HOOK1: variants seen among roughly 807,000 people sequenced by gnomAD.
HOOK1 encodes protein Hook homolog 1.
A neutral mutation model predicts 112.8 loss-of-function variants in HOOK1; 60 were observed. That is an observed-to-expected ratio of 0.53 (90% CI 0.43 to 0.66). The LOEUF (loss-of-function observed/expected upper bound fraction) is 0.66, where lower values mean the gene tolerates loss of function less well. HOOK1 is among the 30% of genes least tolerant of loss of function. The pLI is 0.00. For synonymous variants in HOOK1, 294 were observed against 283.8 expected, an observed-to-expected ratio of 1.04 and a Z score of -0.36; for missense variants, 770 against 856.0, an observed-to-expected ratio of 0.90 and a Z score of 1.25.
Position 59,872,822 on chromosome 1 carries a change from G to A in HOOK1, c.2044G>A (p.Glu682Lys), listed in dbSNP as rs561101291. ...TCTAGCATTCCAGAAACTGGGGATG[G>A]AATCTAGACTTGTGAGCGGCGGTGG... Reference protein sequence around the residue: ...KSLAFQKLGMESRLVSGGGAC... With the variant: ...KSLAFQKLGMKSRLVSGGGAC... Residue 682 changes from glutamate (E) to lysine (K), a missense_variant, in exon 22 of 22, where the codon GAA becomes AAA. Coordinates refer to ENST00000371208, the MANE Select transcript of HOOK1 (RefSeq NM_015888.6). 6.9e-7 allele frequency: 1 copy of A among 1,448,224 alleles called. No individual in the cohort carries two copies. Among genetic ancestry groups the A allele is most frequent in the African/African-American group, 1.4e-5 (1 of 69,752 alleles). 89.7% of individuals were successfully genotyped at this position (1,448,224 alleles called of 1,614,324 possible).
chr1:59,844,361 C>G (rs957071556), intron 9 of HOOK1, among the ~76,000 whole-genome samples: 1 of 151,864 alleles, frequency 6.6e-6, no homozygotes, highest in African/African-American at 2.4e-5. Flanking sequence ...AGGACATTCT[C>G]TTATAAGCCA....
rs377499497 is a variant in HOOK1 at position 59,865,896 on chromosome 1, C to T, written c.1769C>T (p.Ala590Val). 7.8e-5 allele frequency: 123 copies of T among 1,584,808 alleles called. No individual in the cohort carries two copies. The highest frequency in any genetic ancestry group is 1.0e-4 in the Non-Finnish European group (116 of 1,163,662). ...QNVQKINELEAALQKKDEDMK... is the reference protein window; with the variant it reads ...QNVQKINELEVALQKKDEDMK... ...GTACAAAAGATCAATGAACTTGAAGCTGCTCTTCAGAAGAAAGATGAAGAT... is the reference window on the plus strand; with the variant it reads ...GTACAAAAGATCAATGAACTTGAAGTTGCTCTTCAGAAGAAAGATGAAGAT... Residue 590 changes from alanine to valine, a missense_variant, in exon 19 of 22, where the codon GCT becomes GTT. Around this residue, in one of 3 missense-constraint regions of HOOK1, gnomAD observed 655 missense variants for 725.9 expected, o/e 0.90. Coordinates refer to ENST00000371208, the MANE Select transcript of HOOK1 (RefSeq NM_015888.6).
chr1:59,872,925 G>T lies in HOOK1; in HGVS notation c.2147G>T (p.Arg716Ile). ...AQQRHITNTR[R>I]NLSVKVPATT... is the part of the protein sequence containing the mutation. ...CAACGGCACATCACCAACACCAGAA[G>T]AAATCTCTCTGTTAAAGTCCCTGCT... The change falls in exon 22 of 22, where the codon AGA becomes ATA. Residue 716 changes from arginine (R) to isoleucine (I), a missense_variant. By Grantham distance (97) the Arg-to-Ile change is moderately conservative (BLOSUM62 -3). This residue lies in a region of HOOK1 where 111 missense variants were observed against 111.8 expected (regional missense o/e 0.99). Transcript: ENST00000371208. The T allele has an allele frequency of 6.6e-7, 1 of 1,520,630 alleles. No homozygotes were observed. Among genetic ancestry groups the T allele is most frequent in the African/African-American group, 1.4e-5 (1 of 72,408 alleles). The allele number at this position is 1,520,630 out of a possible 1,614,324, so 94.2% of individuals were successfully genotyped here.
intron 2 of HOOK1, among the ~76,000 whole-genome samples, chr1:59,822,974 G>C (rs1407601261): frequency 6.6e-6 from 1 of 152,180 alleles, no homozygotes; most frequent in African/African-American, 2.4e-5. Context: ...TGAGGAGGTT[G>C]ACAGTTATTG....
chr1:59,854,952 A>G (rs1482943104), intron 12 of HOOK1, among the ~76,000 whole-genome samples: 6 of 152,216 alleles, frequency 3.9e-5, no homozygotes, highest in Non-Finnish European at 8.8e-5. Context: ...TAAAACAACG[A>G]CAACAAGCAG....
Position 59,815,073 on chromosome 1 carries a change from G to C in HOOK1, c.-45G>C, listed in dbSNP as rs921210933. The C allele has an allele frequency of 9.4e-6, 13 of 1,376,768 alleles. No individual in the cohort carries two copies. In the African/African-American group the frequency reaches 9.6e-5, roughly 10 times the overall value. The allele number at this position is 1,376,768 out of a possible 1,614,324, so 85.3% of individuals were successfully genotyped here. Reference sequence around the variant, plus strand: ...GGCTCCTGGAGGAGAGCCGGTAGGAGGGAGTGTGAAGGTGTCCGCGGCGTC... The same window carrying C: ...GGCTCCTGGAGGAGAGCCGGTAGGACGGAGTGTGAAGGTGTCCGCGGCGTC... On this transcript the variant is annotated 5_prime_UTR_variant, in exon 1 of 22. Transcript: ENST00000371208.
At chr1:59,853,611 AT>A (rs1448191759) in intron 12 of HOOK1, among the ~76,000 whole-genome samples, 4 of 152,058 alleles carry the variant, frequency 2.6e-5, no homozygotes, top group Non-Finnish European at 5.9e-5. Context: ...TAAAAATAGC[AT>A]TTAGGTCTAC....
rs1643954332 is a variant in HOOK1 at position 59,865,868 on chromosome 1, A to G, written c.1745-4A>G. On this transcript the variant is annotated splice_polypyrimidine_tract_variant and splice_region_variant and intron_variant, in intron 18 of 21. Transcript: ENST00000371208. ...ATTATGCTTCATTTTATTTTTACTAATAGTACAAAAGATCAATGAACTTGA... is the reference window on the plus strand; with the variant it reads ...ATTATGCTTCATTTTATTTTTACTAGTAGTACAAAAGATCAATGAACTTGA... The G allele has an allele frequency of 6.8e-7, 1 of 1,460,178 alleles. No individual in the cohort carries two copies. The highest frequency in any genetic ancestry group is 1.2e-5 in the South Asian group (1 of 80,106). 90.5% of individuals were successfully genotyped at this position (1,460,178 alleles called of 1,614,324 possible).
intron 12 of HOOK1, among the ~76,000 whole-genome samples, chr1:59,850,887 A>G (rs2098406817): frequency 6.6e-6 from 1 of 151,488 alleles, no homozygotes; most frequent in Non-Finnish European, 1.5e-5. Context: ...AGAACTCTGT[A>G]TTTTCTGCTC....
In HOOK1 at chr1:59,840,398, G is replaced by A; in HGVS notation, c.621+7G>A. 1 of 1,541,686 alleles carries A rather than the reference G, an allele frequency of 6.5e-7. No individual in the cohort carries two copies. The highest frequency in any genetic ancestry group is 2.1e-5 in the Admixed American group (1 of 48,020). ...TGAAGAATTGGATATGCAGGTACGG[G>A]AAAAAACCCTGAGCTGAGAAAAACT... On this transcript the variant is annotated splice_region_variant and intron_variant, in intron 8 of 21. Transcript: ENST00000371208.
chr1:59,835,767 T>A (rs1240482369), intron 6 of HOOK1, among the ~76,000 whole-genome samples: 1 of 152,144 alleles, frequency 6.6e-6, no homozygotes. Context: ...CCACCTCAGA[T>A]AATCAGGCAT....
intron 12 of HOOK1, among the ~76,000 whole-genome samples, chr1:59,855,943 TATATATATATATATATAAATTA>T (rs1446013991): frequency 0.1 from 3,234 of 31,970 alleles, 83 homozygotes; most frequent in Admixed American, 0.21. Context: ...CCAGCTAATT[TATATATATATATATATAAATTA>T]TTATATATAT....
intron 21 of HOOK1, among the ~76,000 whole-genome samples, chr1:59,872,449 C>A (rs1435576377): frequency 1.3e-5 from 2 of 152,136 alleles, no homozygotes; most frequent in African/African-American, 2.4e-5. Context: ...CTTCAAGAAC[C>A]TTTGATCTAA....
intron 9 of HOOK1, among the ~76,000 whole-genome samples, chr1:59,844,319 CT>C (rs1392152869): frequency 6.6e-6 from 1 of 151,912 alleles, no homozygotes; most frequent in Non-Finnish European, 1.5e-5. Context: ...CTCTTTACCC[CT>C]GTATATTTCA....
intron 4 of HOOK1, among the ~76,000 whole-genome samples, 161 bp from the exon 5 acceptor site, chr1:59,833,244 C>T (rs1010614553): frequency 9.2e-5 from 14 of 152,072 alleles, no homozygotes; most frequent in Non-Finnish European, 2.1e-4. Context: ...TGGAATGTTG[C>T]CTGAACATTG....
At chr1:59,831,898 C>G (rs2098394242) in intron 3 of HOOK1, among the ~76,000 whole-genome samples, 1 of 152,180 alleles carries the variant, frequency 6.6e-6, no homozygotes, top group Non-Finnish European at 1.5e-5. Context: ...CTCATGACTG[C>G]AGCTGGACAT....
intron 2 of HOOK1, among the ~76,000 whole-genome samples, chr1:59,825,052 A>ATTCT (rs2098388833): frequency 6.6e-6 from 1 of 152,176 alleles, no homozygotes; most frequent in Non-Finnish European, 1.5e-5. Context: ...AGTCCCAGGC[A>ATTCT]TTCTTTGGTT....
chr1:59,868,339 T>A lies in HOOK1; in HGVS notation c.1935T>A (p.Ile645=), dbSNP rs749408254. 1 of 1,588,916 alleles carries A rather than the reference T, an allele frequency of 6.3e-7. No individual in the cohort carries two copies. The change falls in exon 20 of 22, where the codon ATT becomes ATA. Residue 645 remains isoleucine, a synonymous_variant. Coordinates refer to ENST00000371208, the MANE Select transcript of HOOK1 (RefSeq NM_015888.6). ...AGTTGGCAGAGAAAGAGAGAAGAATTGAGATTCTGGAGGTAAAACTTTTAT... is the reference window on the plus strand; with the variant it reads ...AGTTGGCAGAGAAAGAGAGAAGAATAGAGATTCTGGAGGTAAAACTTTTAT... ...RKQLAEKERR[I]EILESECKVA... is the part of the protein sequence containing the mutation.
At chr1:59,847,231 T>G (rs1350414674) in intron 10 of HOOK1, 46 bp downstream of exon 10, 1 of 1,483,236 alleles carries the variant, frequency 6.7e-7, no homozygotes, top group East Asian at 2.3e-5. Flanking sequence ...TCTGAGCTAT[T>G]TAGTCAATTT....
Sources: gnomAD v4.1 joint callset for allele counts (sites outside exome capture counted in the v4.1 genomes callset) on GRCh38, gnomAD v4.1.1 for gene constraint, gnomAD v4.1.1 regional missense constraint, MANE v1.5 for transcripts, NCBI Gene and HGNC (gene_info 2026-07-23, HGNC 2026-07-21) for gene names.